Variants in RGS12 observed in about 807,000 individuals in gnomAD.
RGS12 encodes the protein regulator of G-protein signaling 12.
Under a neutral mutation model 120.1 loss-of-function variants are expected in RGS12, and 66 were observed. The ratio of observed to expected loss-of-function variants is 0.55; its 90% CI spans 0.45 to 0.67. RGS12 has a LOEUF of 0.67. RGS12 is among the 30% of genes least tolerant of loss of function. The probability of loss-of-function intolerance (pLI) is 0.00; values close to 1 mark genes in which losing one functional copy is unlikely to be tolerated. For missense variants in RGS12, 1,859 were observed against 1,957.7 expected, an observed-to-expected ratio of 0.95 and a Z score of 0.95; for synonymous variants, 827 against 804.7, an observed-to-expected ratio of 1.03 and a Z score of -0.47.
intron 3 of RGS12, among the ~76,000 whole-genome samples, chr4:3,351,488 G>T (rs1474537469): frequency 6.6e-6 from 1 of 151,956 alleles, no homozygotes. Context: ...ATTTCCAAAA[G>T]GTGTCTGCAT....
intron 13 of RGS12, among the ~76,000 whole-genome samples, chr4:3,424,506 C>T (rs780316479): frequency 1.3e-5 from 2 of 152,204 alleles, no homozygotes; most frequent in South Asian, 2.1e-4. Flanking sequence ...CCCCTCTGGC[C>T]GACTCTGGGG....
intron 4 of RGS12, among the ~76,000 whole-genome samples, chr4:3,387,363 G>A (rs139793072): frequency 2.0e-4 from 30 of 152,340 alleles, no homozygotes; most frequent in Middle Eastern, 3.4e-3. Context: ...CCTCGGAAAG[G>A]GCTGCTGTCC....
intron 4 of RGS12, among the ~76,000 whole-genome samples, chr4:3,411,197 G>A (rs775077580): frequency 1.3e-5 from 2 of 152,186 alleles, no homozygotes; most frequent in Admixed American, 6.5e-5. Context: ...GTTTTTCAGA[G>A]GTCATCTTCC....
At chr4:3,387,013 G>A (rs575188288) in intron 4 of RGS12, among the ~76,000 whole-genome samples, 1 of 152,296 alleles carries the variant, frequency 6.6e-6, no homozygotes, top group Non-Finnish European at 1.5e-5. Context: ...TTTCTCTGAT[G>A]TCATCCTTAT....
At chr4:3,367,954 T>A (rs1049525197) in intron 3 of RGS12, among the ~76,000 whole-genome samples, 2 of 152,270 alleles carry the variant, frequency 1.3e-5, no homozygotes, top group African/African-American at 4.8e-5. Flanking sequence ...GAAATTGTGT[T>A]TCTTCCTTTC....
At position 3,366,636 on chromosome 4, in the gene RGS12, G is replaced by A. The variant is rs1716339928; in HGVS notation, c.1999-19780G>A. On this transcript the variant is annotated intron_variant, in intron 3 of 17. Coordinates refer to ENST00000336727, the MANE Select transcript of RGS12 (RefSeq NM_001394154.1). The surrounding 1 kb of genome is among the most constrained non-coding windows in gnomAD (Gnocchi z 4.0). ...CCTTTCTGCTGTTGAGAAACCTTCA[G>A]GAGAGAGTGCTTCTGTTCCCTCCAG... 6.6e-6 allele frequency among the ~76,000 whole-genome samples: 1 copy of A among 152,228 alleles called. No individual in the cohort carries two copies. The highest frequency in any genetic ancestry group is 6.5e-5 in the Admixed American group (1 of 15,288).
At chr4:3,395,886 G>T (rs1438181465) in intron 4 of RGS12, among the ~76,000 whole-genome samples, 1 of 152,164 alleles carries the variant, frequency 6.6e-6, no homozygotes, top group South Asian at 2.1e-4. Context: ...AAGACCCCTT[G>T]AGGATACCAA....
In RGS12 at chr4:3,316,863, C is replaced by T. The variant is rs371897206; in HGVS notation, c.693C>T (p.Ile231=). 9.7e-5 allele frequency: 157 copies of T among 1,614,062 alleles called. No individual in the cohort carries two copies. Among genetic ancestry groups the T allele is most frequent in the Non-Finnish European group, 1.2e-4 (142 of 1,180,052 alleles). Residue 231 remains isoleucine (I), a synonymous_variant, in exon 2 of 18, where the codon ATC becomes ATT. Coordinates refer to ENST00000336727, the MANE Select transcript of RGS12 (RefSeq NM_001394154.1). ...LDASILNVAM[I]VGYLGSIELP... ...CAAGTATTTTAAACGTGGCGATGAT[C>T]GTGGGCTACTTAGGCTCCATTGAGC...
chr4:3,364,422 C>A (rs949655807), intron 3 of RGS12, among the ~76,000 whole-genome samples: 1 of 152,302 alleles, frequency 6.6e-6, no homozygotes, highest in Admixed American at 6.5e-5. Context: ...CAGATGTCCC[C>A]ATGGAGGTCG....
intron 2 of RGS12, among the ~76,000 whole-genome samples, 194 bp from the exon 3 acceptor site, chr4:3,342,743 T>C (rs1173312373): frequency 1.3e-5 from 2 of 150,492 alleles, no homozygotes; most frequent in African/African-American, 2.4e-5. Flanking sequence ...GGGATGACTG[T>C]TTTTTTTTCA....
At chr4:3,408,368 G>T (rs915092813) in intron 4 of RGS12, among the ~76,000 whole-genome samples, 1 of 152,184 alleles carries the variant, frequency 6.6e-6, no homozygotes, top group African/African-American at 2.4e-5. Flanking sequence ...TGTTAGAGAG[G>T]AGACGACTTT....
At chr4:3,324,814 G>A (rs1169361681) in intron 2 of RGS12, 2 of 152,212 alleles carry the variant, frequency 1.3e-5, no homozygotes, top group Non-Finnish European at 2.9e-5. Flanking sequence ...TAGCTCTGGA[G>A]TTTTATCAGT....
rs543436251 is a variant in RGS12 at position 3,420,544 on chromosome 4, C to T, written c.2762-98C>T. On this transcript the variant is annotated intron_variant, in intron 9 of 17. Transcript: ENST00000336727. The stretch of plus-strand genomic sequence containing the variant: ...GGGATGGGTGGGGGGGGCTTCCTGG[C>T]GTCTGTCTGCTCAGCCTAAAGGGGG... 657 of 1,216,730 alleles carry T rather than the reference C, an allele frequency of 5.4e-4. 1 individual carries two copies. The highest frequency in any genetic ancestry group is 6.6e-4 in the Non-Finnish European group (551 of 837,408). The allele number at this position is 1,216,730 out of a possible 1,614,324, so 75.4% of individuals were successfully genotyped here.
chr4:3,382,638 C>T, intron 3 of RGS12, among the ~76,000 whole-genome samples: 1 of 152,132 alleles, frequency 6.6e-6, no homozygotes, highest in East Asian at 1.9e-4. Context: ...CCTCAGTTCT[C>T]TGCTGCTCTC....
intron 3 of RGS12, among the ~76,000 whole-genome samples, chr4:3,371,636 C>G (rs1032244949): frequency 6.6e-6 from 1 of 152,110 alleles, no homozygotes; most frequent in Non-Finnish European, 1.5e-5. Flanking sequence ...CAGAAGTGAG[C>G]GGCTCCCCCT....
At position 3,390,960 on chromosome 4, in the gene RGS12, A is replaced by G. The variant is rs1300860109; in HGVS notation, c.2020+4523A>G. On this transcript the variant is annotated intron_variant, in intron 4 of 17. Transcript: ENST00000336727. This position sits in a 1 kb window ranked among gnomAD's most constrained non-coding sequence, Gnocchi z 4.6. ...TTTGAAAGAGAAAGGGAAAAGCTTG[A>G]GAGTAGAACCATCAGTACTTACATA... Among the ~76,000 whole-genome samples the G allele has an allele frequency of 6.6e-6, 1 of 152,260 alleles. No homozygotes were observed. Among genetic ancestry groups the G allele is most frequent in the African/African-American group, 2.4e-5 (1 of 41,476 alleles).
intron 1 of RGS12, among the ~76,000 whole-genome samples, chr4:3,301,316 A>G (rs1356607587): frequency 6.6e-6 from 1 of 152,164 alleles, no homozygotes; most frequent in African/African-American, 2.4e-5. Context: ...ATTGGCAATG[A>G]TTTTGTCTTT....
intron 4 of RGS12, among the ~76,000 whole-genome samples, chr4:3,397,083 C>T (rs1010091941): frequency 2.6e-5 from 4 of 152,182 alleles, no homozygotes; most frequent in Admixed American, 1.3e-4. Context: ...CTATAAGTAT[C>T]TAACACCAGC....
intron 2 of RGS12, among the ~76,000 whole-genome samples, chr4:3,320,029 A>G (rs916613431): frequency 1.3e-5 from 2 of 152,252 alleles, no homozygotes; most frequent in Non-Finnish European, 2.9e-5. Context: ...CTTTGAGTAC[A>G]TATTTAAAAC....
Sources: gnomAD v4.1 joint callset for allele counts (sites outside exome capture counted in the v4.1 genomes callset) on GRCh38, gnomAD v4.1.1 for gene constraint, Gnocchi (gnomAD v3.1) non-coding constraint, MANE v1.5 for transcripts, NCBI Gene and HGNC (gene_info 2026-07-23, HGNC 2026-07-21) for gene names.